ESR2: variants seen among roughly 807,000 people sequenced by gnomAD.
The protein encoded by ESR2 is estrogen receptor 2, also known as estrogen receptor beta.
In ESR2, 36 loss-of-function variants were observed where a neutral mutation model predicts 49.6. That is an observed-to-expected ratio of 0.73 (90% confidence interval 0.56 to 0.96). The LOEUF is 0.96. Ranked by LOEUF, ESR2 falls within the 40% of genes least tolerant of loss-of-function variation. The pLI is 0.00. For missense variants in ESR2, 714 were observed against 693.0 expected, an observed-to-expected ratio of 1.03 and a Z score of -0.34; for synonymous variants, 320 against 266.1, an observed-to-expected ratio of 1.20 and a Z score of -1.97.
chr14:64,327,048 T>A (rs1303910568), intron 1 of ESR2, among the ~76,000 whole-genome samples: 1 of 152,238 alleles, frequency 6.6e-6, no homozygotes, highest in Non-Finnish European at 1.5e-5. Flanking sequence ...ACCTTCATCA[T>A]GAAAATATTC....
intron 3 of ESR2, among the ~76,000 whole-genome samples, chr14:64,278,106 A>C (rs1393845677): frequency 2.0e-5 from 3 of 152,230 alleles, no homozygotes; most frequent in Non-Finnish European, 4.4e-5. Context: ...TTCAGTTCAG[A>C]ATTTCAGAAA....
downstream of ESR2, chr14:64,227,375 T>C (rs562814442): frequency 7.6e-5 from 57 of 745,724 alleles, no homozygotes; most frequent in African/African-American, 9.4e-4. Context: ...GGATTGATAA[T>C]AGAAAGGAAG....
At chr14:64,307,180 G>C (rs2077113012) in intron 1 of ESR2, among the ~76,000 whole-genome samples, 1 of 151,426 alleles carries the variant, frequency 6.6e-6, no homozygotes, top group African/African-American at 2.4e-5. Flanking sequence ...AGTCTGGCTA[G>C]AGGTTTATTA....
intron 4 of ESR2, among the ~76,000 whole-genome samples, chr14:64,263,446 C>A (rs980130554): frequency 6.6e-6 from 1 of 152,148 alleles, no homozygotes; most frequent in African/African-American, 2.4e-5. Context: ...CACCTGAGGT[C>A]AGGAGTTTGA....
chr14:64,303,780 TTTCA>T (rs1596475959), intron 1 of ESR2: 1 of 152,354 alleles, frequency 6.6e-6, no homozygotes, highest in East Asian at 1.9e-4. Flanking sequence ...TCATTTAATA[TTTCA>T]TTCACTCAGC....
chr14:64,238,764 A>C (rs1261145485), intron 7 of ESR2, among the ~76,000 whole-genome samples: 2 of 151,990 alleles, frequency 1.3e-5, no homozygotes, highest in East Asian at 1.9e-4. Context: ...TTAAAAAAAA[A>C]AAACAAAAAA....
chr14:64,283,494 C>T (rs2076721982), intron 1 of ESR2, among the ~76,000 whole-genome samples: 1 of 152,110 alleles, frequency 6.6e-6, no homozygotes, highest in Non-Finnish European at 1.5e-5. Context: ...CGTAGTGGCT[C>T]ACGCCTGTAA....
At chr14:64,335,838 C>CG (rs2077523571) in intron 1 of ESR2, 1 of 123,562 alleles carries the variant, frequency 8.1e-6, no homozygotes, top group Non-Finnish European at 1.6e-5. Flanking sequence ...AAGTCTCACT[C>CG]TGTAACCCAG....
At chr14:64,298,146 T>C (rs1170341811), upstream of ESR2, among the ~76,000 whole-genome samples, 1 of 152,260 alleles carries the variant, frequency 6.6e-6, no homozygotes, top group African/African-American at 2.4e-5. Flanking sequence ...TAGAGCTCTT[T>C]AGGATCACAT....
At chr14:64,269,565 G>C (rs2076397644) in intron 3 of ESR2, among the ~76,000 whole-genome samples, 1 of 152,186 alleles carries the variant, frequency 6.6e-6, no homozygotes, top group African/African-American at 2.4e-5. Context: ...TATATCAATA[G>C]ATGTGCTGCT....
downstream of ESR2, chr14:64,228,069 G>A (rs746918827): frequency 1.2e-5 from 17 of 1,378,340 alleles, no homozygotes; most frequent in South Asian, 3.6e-5. Context: ...TCAATCACAA[G>A]TGTGAGATTA....
chr14:64,226,932 C>G (rs921392265), downstream of ESR2: 5 of 152,460 alleles, frequency 3.3e-5, no homozygotes, highest in African/African-American at 1.2e-4. Flanking sequence ...CTCAACTGAT[C>G]TGCCCACCTC....
chr14:64,306,176 T>G (rs1006705199), intron 1 of ESR2, among the ~76,000 whole-genome samples: 3 of 148,950 alleles, frequency 2.0e-5, no homozygotes, highest in African/African-American at 5.0e-5. Context: ...CACTCCAGCC[T>G]GGGTGACAAG....
rs768839285 is a variant in ESR2, at chr14:64,268,855, G to A, written c.592C>T (p.Arg198Cys). 15 of 1,613,746 alleles carry A rather than the reference G, an allele frequency of 9.3e-6. No individual in the cohort carries two copies. The highest frequency in any genetic ancestry group is 1.3e-5 in the African/African-American group (1 of 74,884). ...TNQCTIDKNRRKSCQACRLRK... is the reference protein window; with the variant it reads ...TNQCTIDKNRCKSCQACRLRK... ...AGTCGGCAGGCCTGGCAGCTCTTGC[G>A]CCGGTTTTTATCGATTGTACACTGA... is the stretch of plus-strand genomic sequence containing the variant. Residue 198 changes from arginine (R) to cysteine (C), a missense_variant, in exon 4 of 9, where the codon CGC (arginine) becomes TGC (cysteine). Transcript: ENST00000341099.
At chr14:64,283,391 GA>G (rs1305124292) in intron 1 of ESR2, among the ~76,000 whole-genome samples, 4 of 152,054 alleles carry the variant, frequency 2.6e-5, no homozygotes, top group Non-Finnish European at 2.9e-5. Flanking sequence ...AGTTCTTATG[GA>G]AAAATAAGCA....
chr14:64,227,286 T>C (rs2098722260), downstream of ESR2: 1 of 518,672 alleles, frequency 1.9e-6, no homozygotes, highest in African/African-American at 2.0e-5. Flanking sequence ...GGGTGAGACA[T>C]CTGCAAGCCC....
intron 6 of ESR2, 88 bp from the exon 7 acceptor site, chr14:64,249,767 G>T: frequency 7.5e-7 from 1 of 1,335,958 alleles, no homozygotes; most frequent in Non-Finnish European, 1.0e-6. Context: ...TTAATCTCAA[G>T]TTTCATCTTG....
At chr14:64,251,330 A>G (rs2075985256) in intron 6 of ESR2, among the ~76,000 whole-genome samples, 1 of 151,156 alleles carries the variant, frequency 6.6e-6, no homozygotes, top group Non-Finnish European at 1.5e-5. Context: ...AAACAAAAAA[A>G]CCCACCAACT....
At chr14:64,242,120 A>G (rs2075740955) in intron 7 of ESR2, among the ~76,000 whole-genome samples, 1 of 152,150 alleles carries the variant, frequency 6.6e-6, no homozygotes. Context: ...ATCTATTAAG[A>G]TAATCATGGC....
Sources: allele counts gnomAD v4.1 joint callset (sites outside exome capture counted in the v4.1 genomes callset), GRCh38; gene constraint gnomAD v4.1.1; transcripts MANE v1.5; gene names NCBI Gene and HGNC (gene_info 2026-07-23, HGNC 2026-07-21).